MCTP1: variants seen among roughly 807,000 people sequenced by gnomAD.
MCTP1 encodes the protein multiple C2 and transmembrane domain-containing protein 1.
MCTP1 carries 69 observed loss-of-function variants against 120.6 expected under a neutral mutation model. The ratio of observed to expected loss-of-function variants is 0.57; its 90% CI spans 0.47 to 0.70. The LOEUF is 0.70. Ranked by LOEUF, MCTP1 falls within the 30% of genes least tolerant of loss-of-function variation. The pLI is 0.00. For synonymous variants in MCTP1, 529 were observed against 493.1 expected (o/e 1.07, Z -0.96); for missense variants, 1,203 against 1,248.8 (o/e 0.96, Z 0.55).
chr5:94,832,975 A>G (rs1788905450), intron 17 of MCTP1, among the ~76,000 whole-genome samples: 1 of 152,246 alleles, frequency 6.6e-6, no homozygotes, highest in Admixed American at 6.5e-5. Flanking sequence ...ATAACCACAC[A>G]CCACAAGTGA....
chr5:94,765,707 A>AG (rs1169238948), intron 19 of MCTP1, among the ~76,000 whole-genome samples: 2 of 132,706 alleles, frequency 1.5e-5, no homozygotes, highest in East Asian at 2.7e-4. Context: ...ATCTCAAAAA[A>AG]GAAAAAAAAA....
At chr5:94,745,377 A>G (rs149217244) in intron 19 of MCTP1, among the ~76,000 whole-genome samples, 1 of 152,286 alleles carries the variant, frequency 6.6e-6, no homozygotes, top group Non-Finnish European at 1.5e-5. Context: ...CAGAGTGTCC[A>G]CTTGTTTCCA....
intron 2 of MCTP1, among the ~76,000 whole-genome samples, chr5:94,989,766 A>G (rs1486172481): frequency 6.6e-6 from 1 of 152,124 alleles, no homozygotes; most frequent in African/African-American, 2.4e-5. Context: ...GGGGATCCAG[A>G]TTGAGATCAA....
chr5:94,827,374 C>T (rs529444104), intron 17 of MCTP1, among the ~76,000 whole-genome samples: 7 of 152,234 alleles, frequency 4.6e-5, no homozygotes, highest in African/African-American at 1.7e-4. Context: ...GTGGGTAACC[C>T]GATCTTTCTC....
intron 1 of MCTP1, among the ~76,000 whole-genome samples, chr5:95,205,328 T>C (rs556647116): frequency 6.6e-6 from 1 of 152,190 alleles, no homozygotes; most frequent in South Asian, 2.1e-4. Flanking sequence ...CTACCACATA[T>C]TATATAAAAA....
chr5:95,031,178 A>G (rs576070697), intron 1 of MCTP1, among the ~76,000 whole-genome samples: 37 of 151,704 alleles, frequency 2.4e-4, no homozygotes, highest in Non-Finnish European at 4.1e-4. Flanking sequence ...AGTCTGAGAG[A>G]AAAAAAAAGT....
In MCTP1 at chr5:94,909,221, A is replaced by T. The variant is rs747222092; in HGVS notation, c.1652+30T>A. 1.2e-5 allele frequency: 20 copies of T among 1,610,598 alleles called. No homozygotes were observed. The South Asian group carries it at 2.2e-4, about 18-fold the overall frequency. On this transcript the variant is annotated intron_variant, in intron 10 of 22. Transcript: ENST00000515393. ...ATTCTTTTAATAAAAATGCTCTAGG[A>T]GTGAACCAAAAATTACAAATTGCAC...
chr5:94,991,536 A>G (rs1428993750), intron 2 of MCTP1, among the ~76,000 whole-genome samples: 2 of 152,218 alleles, frequency 1.3e-5, no homozygotes, highest in East Asian at 3.8e-4. Context: ...CTCAGAGTAC[A>G]ATTCTGAAAT....
chr5:94,782,869 A>G (rs1161407999), intron 18 of MCTP1, among the ~76,000 whole-genome samples: 1 of 152,182 alleles, frequency 6.6e-6, no homozygotes, highest in Non-Finnish European at 1.5e-5. Context: ...TAGAAAAGAT[A>G]CATTTACGAA....
chr5:95,120,277 C>T (rs962800527), intron 1 of MCTP1, among the ~76,000 whole-genome samples: 3 of 151,568 alleles, frequency 2.0e-5, no homozygotes, highest in Admixed American at 6.6e-5. Flanking sequence ...AATATCAATC[C>T]TACTCAAATG....
Position 94,823,919 on chromosome 5 carries a change from G to C in MCTP1, c.2437-24787C>G, listed in dbSNP as rs375716496. On this transcript the variant is annotated intron_variant, in intron 17 of 22. Coordinates refer to ENST00000515393, the MANE Select transcript of MCTP1 (RefSeq NM_024717.7). ...TTTATCCTGAGACTTTGCTGAAGTTGCTTATCAGCTAAAGGAGTTTTTGGG... is the reference window on the plus strand; with the variant it reads ...TTTATCCTGAGACTTTGCTGAAGTTCCTTATCAGCTAAAGGAGTTTTTGGG... 2.0e-4 allele frequency among the ~76,000 whole-genome samples: 31 copies of C among 152,328 alleles called. No homozygotes were observed. In the South Asian group the frequency reaches 6.4e-3, roughly 32 times the overall value.
chr5:95,005,824 A>T (rs1581796842), intron 2 of MCTP1, among the ~76,000 whole-genome samples: 1 of 151,568 alleles, frequency 6.6e-6, no homozygotes, highest in South Asian at 2.1e-4. Context: ...GTGTGGGAAC[A>T]TATTAATATA....
chr5:95,016,787 T>C (rs1837198824), intron 2 of MCTP1, among the ~76,000 whole-genome samples: 1 of 152,092 alleles, frequency 6.6e-6, no homozygotes, highest in African/African-American at 2.4e-5. Context: ...CCTATCCTCG[T>C]TCATCAAGAG....
intron 2 of MCTP1, among the ~76,000 whole-genome samples, chr5:94,992,337 G>A (rs1049260463): frequency 4.6e-5 from 7 of 152,062 alleles, no homozygotes; most frequent in African/African-American, 1.4e-4. Flanking sequence ...GATTATCAGA[G>A]GACTTACTTT....
chr5:94,826,960 G>T (rs1267581167), intron 17 of MCTP1, among the ~76,000 whole-genome samples: 4 of 151,806 alleles, frequency 2.6e-5, no homozygotes, highest in Non-Finnish European at 5.9e-5. Flanking sequence ...GGGGCATTTA[G>T]CCTGTTACAT....
At chr5:94,805,143 C>T (rs755114368) in intron 17 of MCTP1, among the ~76,000 whole-genome samples, 13 of 152,110 alleles carry the variant, frequency 8.5e-5, no homozygotes, top group Non-Finnish European at 1.6e-4. Context: ...AATTCTTGTT[C>T]ATAGTCTTTG....
At chr5:95,270,841 A>T (rs1286579756) in intron 1 of MCTP1, among the ~76,000 whole-genome samples, 1 of 152,022 alleles carries the variant, frequency 6.6e-6, no homozygotes, top group Non-Finnish European at 1.5e-5. Flanking sequence ...GAGGCAGGAG[A>T]ATCGCTTGAA....
At chr5:94,871,201 T>C (rs1218195246) in intron 14 of MCTP1, 114 bp downstream of exon 14, 2 of 748,260 alleles carry the variant, frequency 2.7e-6, no homozygotes, top group Non-Finnish European at 4.6e-6. Context: ...AGTGTTCTTA[T>C]TACAGACCTT....
chr5:94,870,596 G>A (rs766371555), intron 15 of MCTP1, 105 bp from the exon 16 acceptor site: 63 of 849,242 alleles, frequency 7.4e-5, no homozygotes, highest in Non-Finnish European at 2.2e-5. Context: ...CAAAGTCCTG[G>A]CTGCTGTGCT....
Sources: allele counts gnomAD v4.1 joint callset (sites outside exome capture counted in the v4.1 genomes callset), GRCh38; gene constraint gnomAD v4.1.1; transcripts MANE v1.5; gene names NCBI Gene and HGNC (gene_info 2026-07-23, HGNC 2026-07-21).